BPIFC: variants seen among roughly 807,000 people sequenced by gnomAD.
BPIFC encodes BPI fold containing family C, also known as BPI fold-containing family C protein.
A neutral mutation model predicts 57.6 loss-of-function variants in BPIFC; 60 were observed. The ratio of observed to expected loss-of-function variants is 1.04; its 90% confidence interval spans 0.85 to 1.29. The LOEUF (loss-of-function observed/expected upper bound fraction) is 1.29, where lower values mean the gene tolerates loss of function less well. Among genes scored for constraint, BPIFC ranks in the 50% most tolerant of loss-of-function variants. BPIFC has a pLI of 0.00. For missense variants in BPIFC, 581 were observed against 600.5 expected, an observed-to-expected ratio of 0.97 and a Z score of 0.34; for synonymous variants, 243 against 224.5, an observed-to-expected ratio of 1.08 and a Z score of -0.74.
At chr22:32,454,274 C>T (rs975302963) in intron 3 of BPIFC, among the ~76,000 whole-genome samples, 4 of 152,116 alleles carry the variant, frequency 2.6e-5, no homozygotes, top group African/African-American at 9.7e-5. Context: ...GAATTTTTGG[C>T]CTGTGGTTCT....
chr22:32,459,389 C>A (rs1021975879), intron 2 of BPIFC, among the ~76,000 whole-genome samples: 1 of 152,108 alleles, frequency 6.6e-6, no homozygotes, highest in Non-Finnish European at 1.5e-5. Flanking sequence ...TAAGGCTGGG[C>A]ACGGTGGCTC....
intron 4 of BPIFC, among the ~76,000 whole-genome samples, chr22:32,447,779 T>C (rs1934771524): frequency 6.6e-6 from 1 of 151,838 alleles, no homozygotes; most frequent in Non-Finnish European, 1.5e-5. Flanking sequence ...CTAATATTTT[T>C]TATTTTTTTT....
At chr22:32,427,535 G>A (rs1934101703) in intron 13 of BPIFC, among the ~76,000 whole-genome samples, 1 of 152,020 alleles carries the variant, frequency 6.6e-6, no homozygotes, top group Non-Finnish European at 1.5e-5. Flanking sequence ...TTTCCTCCTG[G>A]TTCTTTCCTC....
At chr22:32,416,079 C>CTT (rs386395239) in intron 15 of BPIFC, 88 bp from the exon 16 acceptor site, 6,640 of 430,740 alleles carry the variant, frequency 0.015, 35 homozygotes, top group East Asian at 0.083. Flanking sequence ...TGACAGCTTG[C>CTT]TTTTTTTTTT....
At chr22:32,431,800 AAAG>A (rs1934250147) in intron 12 of BPIFC, among the ~76,000 whole-genome samples, 1 of 152,202 alleles carries the variant, frequency 6.6e-6, no homozygotes, top group Admixed American at 6.5e-5. Context: ...GATTAAAAAA[AAAG>A]AGAGAATTCC....
chr22:32,442,061 T>C (rs1360962471), intron 8 of BPIFC, among the ~76,000 whole-genome samples: 1 of 152,208 alleles, frequency 6.6e-6, no homozygotes, highest in East Asian at 1.9e-4. Flanking sequence ...GTCCAGTTTC[T>C]AACCTGTCTG....
chr22:32,454,556 A>G (rs1330491152), intron 3 of BPIFC, among the ~76,000 whole-genome samples: 1 of 152,240 alleles, frequency 6.6e-6, no homozygotes, highest in Non-Finnish European at 1.5e-5. Context: ...GCTTGAGAAA[A>G]GTAACCTCCA....
intron 4 of BPIFC, among the ~76,000 whole-genome samples, chr22:32,448,154 C>T (rs1451365684): frequency 2.6e-5 from 4 of 151,660 alleles, no homozygotes; most frequent in Admixed American, 6.6e-5. Flanking sequence ...CTGCAATCTC[C>T]GCCTCCTGGG....
rs1569447961 is a variant in BPIFC at position 32,424,651 on chromosome 22, T to TCC, written c.1218-5248_1218-5247insGG. 3.4e-3 allele frequency among the ~76,000 whole-genome samples: 183 copies of TCC among 53,976 alleles called. 29 individuals are homozygous for TCC. Among genetic ancestry groups the TCC allele is most frequent in the East Asian group, 0.025 (51 of 2,064 alleles). 35.4% of individuals were successfully genotyped at this position (53,976 alleles called of 152,430 possible). The stretch of plus-strand genomic sequence containing the variant: ...TCCTCTTCTTCTTCTTCTCTTCTTC[T>TCC]TCTTCTTCTTCTTCTTCTTCTTCTT... On this transcript the variant is annotated intron_variant, in intron 13 of 16. Coordinates refer to ENST00000300399, the MANE Select transcript of BPIFC (RefSeq NM_174932.3).
At chr22:32,415,818 AAACAAAC>A in intron 16 of BPIFC, 90 bp downstream of exon 16, 3 of 849,026 alleles carry the variant, frequency 3.5e-6, no homozygotes, top group Non-Finnish European at 5.1e-6. Context: ...AGCAGGACAA[AAACAAAC>A]AACAACAACA....
Position 32,463,925 on chromosome 22 carries a change from G to C in BPIFC, c.-89+449C>G, listed in dbSNP as rs1370192580. Among the ~76,000 whole-genome samples the C allele has an allele frequency of 1.2e-4, 19 of 152,146 alleles. 1 individual carries two copies. The highest frequency in any genetic ancestry group is 1.2e-3 in the Admixed American group (19 of 15,272). ...CTAGTTTTGCTCTGGCAGGATCTAG[G>C]TCACTGATGTGCTTTAAGACCTGCC... On this transcript the variant is annotated intron_variant, in intron 1 of 16. Coordinates refer to ENST00000300399, the MANE Select transcript of BPIFC (RefSeq NM_174932.3).
In BPIFC at chr22:32,445,623, C is replaced by T. The variant is rs5998494; in HGVS notation, c.594+12G>A. ...GCATTTTACTGTGGTTGCCTAACCT[C>T]TAAAGACTCACCATTTCATTTAAGT... is the stretch of plus-strand genomic sequence containing the variant. On this transcript the variant is annotated intron_variant, in intron 7 of 16. Coordinates refer to ENST00000300399, the MANE Select transcript of BPIFC (RefSeq NM_174932.3). The T allele has an allele frequency of 3.2e-6, 5 of 1,560,152 alleles. No homozygotes were observed. The highest frequency in any genetic ancestry group is 3.5e-6 in the Non-Finnish European group (4 of 1,152,652).
intron 4 of BPIFC, 32 bp downstream of exon 4, chr22:32,453,351 A>G (rs1192887601): frequency 1.5e-5 from 22 of 1,498,190 alleles, no homozygotes; most frequent in Non-Finnish European, 1.9e-5. Context: ...TGAGCTTCTT[A>G]TAAGAGGCAA....
chr22:32,439,864 C>T (rs1601466058), intron 8 of BPIFC, among the ~76,000 whole-genome samples: 1 of 152,306 alleles, frequency 6.6e-6, no homozygotes, highest in East Asian at 1.9e-4. Flanking sequence ...AGTTGCTCGC[C>T]TCAGCTTCCC....
In BPIFC at chr22:32,424,600, T is replaced by TCTTCTTCTTCTTCTTCTTCTTCTTCTC. The variant is rs1223346653; in HGVS notation, c.1218-5197_1218-5196insGAGAAGAAGAAGAAGAAGAAGAAGAAG. 1.4e-4 allele frequency among the ~76,000 whole-genome samples: 11 copies of TCTTCTTCTTCTTCTTCTTCTTCTTCTC among 78,594 alleles called. 1 individual carries two copies. Among genetic ancestry groups the TCTTCTTCTTCTTCTTCTTCTTCTTCTC allele is most frequent in the African/African-American group, 5.0e-4 (6 of 12,052 alleles). 51.6% of individuals were successfully genotyped at this position (78,594 alleles called of 152,430 possible). On this transcript the variant is annotated intron_variant, in intron 13 of 16. Coordinates refer to ENST00000300399, the MANE Select transcript of BPIFC (RefSeq NM_174932.3). ...TTCTTCTTCTTCTTCTTCTTCTTCT[T>TCTTCTTCTTCTTCTTCTTCTTCTTCTC]CTCCTCCTCCTCCTCCTCCTCCTCC... is the stretch of plus-strand genomic sequence containing the variant.
At chr22:32,434,506 CAT>C (rs1934339112) in intron 10 of BPIFC, among the ~76,000 whole-genome samples, 2 of 149,928 alleles carry the variant, frequency 1.3e-5, no homozygotes, top group South Asian at 2.1e-4. Flanking sequence ...TCTATATGTA[CAT>C]AGTCTTTATT....
chr22:32,422,057 G>A (rs1933862970), intron 13 of BPIFC, among the ~76,000 whole-genome samples: 2 of 152,138 alleles, frequency 1.3e-5, no homozygotes, highest in Admixed American at 6.5e-5. Flanking sequence ...AGGGCGATGC[G>A]AGAGGCAGAC....
intron 13 of BPIFC, among the ~76,000 whole-genome samples, chr22:32,426,710 G>A (rs921180945): frequency 5.3e-5 from 8 of 152,020 alleles, no homozygotes; most frequent in Admixed American, 2.0e-4. Context: ...TGGCCAACAT[G>A]GCGAAACCCC....
chr22:32,452,203 A>C (rs1934912908), intron 4 of BPIFC, among the ~76,000 whole-genome samples: 4 of 152,190 alleles, frequency 2.6e-5, no homozygotes, highest in Admixed American at 2.6e-4. Context: ...AGCCCAGCCT[A>C]ATATCCCCTG....
Sources: allele counts gnomAD v4.1 joint callset (sites outside exome capture counted in the v4.1 genomes callset), GRCh38; gene constraint gnomAD v4.1.1; transcripts MANE v1.5; gene names NCBI Gene and HGNC (gene_info 2026-07-23, HGNC 2026-07-21).